ANKRD17: variants seen among roughly 807,000 people sequenced by gnomAD.
The protein encoded by ANKRD17 is ankyrin repeat domain-containing protein 17.
ANKRD17 carries 19 observed loss-of-function variants against 229.7 expected under a neutral mutation model. The observed-to-expected ratio is 0.08, with a 90% CI of 0.06 to 0.12. ANKRD17 has a LOEUF of 0.12. Among genes scored for constraint, ANKRD17 ranks in the 10% least tolerant of loss-of-function variants. The pLI, the probability that ANKRD17 is intolerant of heterozygous loss-of-function variation, is 1.00. For synonymous variants in ANKRD17, 1,112 were observed against 1,146.1 expected (o/e 0.97, Z 0.60); for missense variants, 2,176 against 3,176.8 (o/e 0.68, Z 7.57).
At position 73,148,272 on chromosome 4, in the gene ANKRD17, TG is replaced by T. The variant is rs377538162; in HGVS notation, c.1567+540del. Reference sequence around the variant, plus strand: ...TAAAATCACACTACAAATACAGAGATGGGAGATTACTTCTAAACTGAAGATA... The same window carrying T: ...TAAAATCACACTACAAATACAGAGATGGAGATTACTTCTAAACTGAAGATA... On this transcript the variant is annotated intron_variant, in intron 8 of 33. Coordinates refer to ENST00000358602, the MANE Select transcript of ANKRD17 (RefSeq NM_032217.5). 4.3e-3 allele frequency among the ~76,000 whole-genome samples: 662 copies of T among 152,290 alleles called. 5 individuals carry two copies. Among genetic ancestry groups the T allele is most frequent in the African/African-American group, 0.015 (637 of 41,548 alleles).
chr4:73,179,502 ATATATATATATATATATT>A (rs1217125460), intron 1 of ANKRD17, among the ~76,000 whole-genome samples: 2 of 77,054 alleles, frequency 2.6e-5, no homozygotes, highest in Non-Finnish European at 5.4e-5. Flanking sequence ...ATATATATAT[ATATATATATATATATATT>A]TTTTTTTTTT....
At chr4:73,137,328 G>A (rs1245200862) in intron 15 of ANKRD17, among the ~76,000 whole-genome samples, 2 of 152,062 alleles carry the variant, frequency 1.3e-5, no homozygotes, top group Admixed American at 1.3e-4. Context: ...GGTTAAACAG[G>A]GAGCTGATTC....
chr4:73,172,244 T>G lies in ANKRD17; in HGVS notation c.547+5136A>C, dbSNP rs1451462330. Among the ~76,000 whole-genome samples the G allele has an allele frequency of 2.6e-5, 4 of 152,106 alleles. 1 individual carries two copies. Among genetic ancestry groups the G allele is most frequent in the Non-Finnish European group, 5.9e-5 (4 of 68,014 alleles). Reference sequence around the variant, plus strand: ...AGCAGCAGACTTTTCAGTGGAAACCTTACAGCCCAGGAGAGAGTGGCATGA... The same window carrying G: ...AGCAGCAGACTTTTCAGTGGAAACCGTACAGCCCAGGAGAGAGTGGCATGA... On this transcript the variant is annotated intron_variant, in intron 2 of 33. Coordinates refer to ENST00000358602, the MANE Select transcript of ANKRD17 (RefSeq NM_032217.5).
chr4:73,210,739 G>A (rs1740141967), intron 1 of ANKRD17, among the ~76,000 whole-genome samples: 1 of 151,662 alleles, frequency 6.6e-6, no homozygotes, highest in African/African-American at 2.4e-5. Flanking sequence ...ACTACCTGGA[G>A]TATCTCCATT....
At chr4:73,090,333 C>T (rs1410427212) in intron 29 of ANKRD17, among the ~76,000 whole-genome samples, 3 of 152,138 alleles carry the variant, frequency 2.0e-5, no homozygotes, top group African/African-American at 7.2e-5. Flanking sequence ...TCACTTGAAT[C>T]TGGGAGGCAG....
chr4:73,151,093 T>A (rs1485689045), intron 7 of ANKRD17, among the ~76,000 whole-genome samples: 5 of 152,126 alleles, frequency 3.3e-5, no homozygotes, highest in Non-Finnish European at 7.4e-5. Flanking sequence ...ACTGCTGGCA[T>A]CCATTTTAAT....
chr4:73,230,994 G>A (rs1165470345), intron 1 of ANKRD17, among the ~76,000 whole-genome samples: 3 of 152,126 alleles, frequency 2.0e-5, no homozygotes, highest in African/African-American at 4.8e-5. Flanking sequence ...AAAAACAAGT[G>A]CATACATAAC....
At chr4:73,194,819 T>C (rs1737618896) in intron 1 of ANKRD17, among the ~76,000 whole-genome samples, 1 of 152,158 alleles carries the variant, frequency 6.6e-6, no homozygotes, top group African/African-American at 2.4e-5. Flanking sequence ...ACATATTTTT[T>C]CATGTATTTA....
At chr4:73,099,039 G>A (rs900548919) in intron 25 of ANKRD17, 23 of 985,410 alleles carry the variant, frequency 2.3e-5, no homozygotes, top group African/African-American at 1.3e-4. Context: ...GCCAAGACCC[G>A]GAAAACCACC....
chr4:73,142,195 G>A, intron 13 of ANKRD17, 47 bp downstream of exon 13: 2 of 1,487,724 alleles, frequency 1.3e-6, no homozygotes, highest in Non-Finnish European at 1.8e-6. Flanking sequence ...GAAAGAATTA[G>A]GATAAAGAAG....
At chr4:73,086,950 A>ATC (rs1553911043) in intron 29 of ANKRD17, among the ~76,000 whole-genome samples, 2 of 94,204 alleles carry the variant, frequency 2.1e-5, no homozygotes, top group African/African-American at 8.3e-5. Flanking sequence ...ATATATATAT[A>ATC]TATCTGTAGG....
At chr4:73,162,750 C>A (rs929654498) in intron 2 of ANKRD17, among the ~76,000 whole-genome samples, 2 of 152,052 alleles carry the variant, frequency 1.3e-5, no homozygotes, top group African/African-American at 4.8e-5. Context: ...TTTCAGATAT[C>A]CCTATAAAGC....
chr4:73,155,740 T>C lies in ANKRD17; in HGVS notation c.891A>G (p.Gly297=). ...TTAAAGGTGTAATGTCACCTTTGAT[T>C]CCCCTATCTTCCACATTTGCATGCA... The part of the protein sequence containing the change: ...LAMHANVEDR[G]IKGDITPLMA... Residue 297 remains glycine, a synonymous_variant, in exon 5 of 34, where the codon GGA becomes GGG. Transcript: ENST00000358602. 6.2e-7 allele frequency: 1 copy of C among 1,614,088 alleles called. No individual in the cohort carries two copies. The highest frequency in any genetic ancestry group is 1.3e-5 in the African/African-American group (1 of 75,038).
intron 30 of ANKRD17, among the ~76,000 whole-genome samples, chr4:73,079,419 G>A (rs1183715049): frequency 6.6e-6 from 1 of 152,034 alleles, no homozygotes; most frequent in Non-Finnish European, 1.5e-5. Flanking sequence ...TGGAGACAGA[G>A]TCTTGCTCCA....
chr4:73,097,055 G>A (rs956614995), intron 27 of ANKRD17, 62 bp downstream of exon 27: 94 of 1,515,450 alleles, frequency 6.2e-5, no homozygotes, highest in Non-Finnish European at 7.7e-5. Flanking sequence ...TTAATTATAA[G>A]GTAGATAACA....
chr4:73,158,067 T>A (rs900178549), intron 3 of ANKRD17, among the ~76,000 whole-genome samples: 28 of 149,248 alleles, frequency 1.9e-4, no homozygotes, highest in African/African-American at 5.7e-4. Flanking sequence ...CTCCAGTCTG[T>A]GTGACAGAGT....
intron 30 of ANKRD17, among the ~76,000 whole-genome samples, chr4:73,079,675 TC>T (rs1721355344): frequency 6.6e-6 from 1 of 152,246 alleles, no homozygotes; most frequent in African/African-American, 2.4e-5. Flanking sequence ...TGTGAGTACT[TC>T]ACAGAACATG....
chr4:73,255,583 G>C (rs1745382556), intron 1 of ANKRD17, among the ~76,000 whole-genome samples: 1 of 152,130 alleles, frequency 6.6e-6, no homozygotes, highest in South Asian at 2.1e-4. Context: ...TGGTAATTAA[G>C]AGAAAAACAT....
chr4:73,174,690 C>CA (rs895380387), intron 2 of ANKRD17, among the ~76,000 whole-genome samples: 2 of 151,956 alleles, frequency 1.3e-5, no homozygotes, highest in African/African-American at 2.4e-5. Flanking sequence ...AAGACTTCAG[C>CA]AAAAAAACTA....
Sources: gnomAD v4.1 joint callset for allele counts (sites outside exome capture counted in the v4.1 genomes callset) on GRCh38, gnomAD v4.1.1 for gene constraint, MANE v1.5 for transcripts, NCBI Gene and HGNC (gene_info 2026-07-23, HGNC 2026-07-21) for gene names.